Variants in TMPRSS11F observed in about 807,000 individuals in gnomAD.
TMPRSS11F encodes transmembrane protease serine 11F.
TMPRSS11F carries 47 observed loss-of-function variants against 60.2 expected under a neutral mutation model. The observed-to-expected ratio is 0.78, with a 90% CI of 0.62 to 1.00. The LOEUF (loss-of-function observed/expected upper bound fraction) is 1.00. TMPRSS11F is among the 50% of genes least tolerant of loss of function. The pLI, the probability that TMPRSS11F is intolerant of heterozygous loss-of-function variation, is 0.00. For missense variants in TMPRSS11F, 519 were observed against 522.9 expected (o/e 0.99, Z 0.07); for synonymous variants, 166 against 167.3 (o/e 0.99, Z 0.06).
chr4:68,087,481 A>G (rs1318021931), intron 3 of TMPRSS11F, among the ~76,000 whole-genome samples: 1 of 152,158 alleles, frequency 6.6e-6, no homozygotes, highest in Non-Finnish European at 1.5e-5. Flanking sequence ...CTCCACTCCT[A>G]TTCAACATAG....
At chr4:68,057,502 C>G (rs56393853) in intron 9 of TMPRSS11F, among the ~76,000 whole-genome samples, 103,213 of 151,986 alleles carry the variant, frequency 0.68, 36,837 homozygotes, top group East Asian at 0.88. Context: ...ATAGGCAAAT[C>G]AGATTGTATC....
chr4:68,094,877 AGT>A (rs1405476266), intron 2 of TMPRSS11F, among the ~76,000 whole-genome samples: 45 of 152,052 alleles, frequency 3.0e-4, no homozygotes. Flanking sequence ...CCCCATAACA[AGT>A]GGTATAACAA....
rs1457712018 is a variant in TMPRSS11F at position 68,058,077 on chromosome 4, G to T, written c.1158+1249C>A. On this transcript the variant is annotated intron_variant, in intron 9 of 9. Coordinates refer to ENST00000356291, the MANE Select transcript of TMPRSS11F (RefSeq NM_207407.2). Reference sequence around the variant, plus strand: ...CCAGAGTCTGGGTGAGCCTAGGCGGGTGGAGAGTGAGGGAAAGGGGAGTTG... The same window carrying T: ...CCAGAGTCTGGGTGAGCCTAGGCGGTTGGAGAGTGAGGGAAAGGGGAGTTG... 2.6e-5 allele frequency among the ~76,000 whole-genome samples: 4 copies of T among 152,190 alleles called. No individual in the cohort carries two copies. In the East Asian group the frequency reaches 7.7e-4, roughly 29 times the overall value.
chr4:68,115,350 C>A (rs1225216495), intron 1 of TMPRSS11F, among the ~76,000 whole-genome samples: 6 of 86,362 alleles, frequency 6.9e-5, no homozygotes, highest in African/African-American at 2.2e-4. Flanking sequence ...GAGCAAGACA[C>A]CATCTCAAAA....
intron 2 of TMPRSS11F, among the ~76,000 whole-genome samples, chr4:68,096,367 G>A (rs1315801319): frequency 1.3e-5 from 2 of 152,128 alleles, no homozygotes; most frequent in Admixed American, 6.6e-5. Flanking sequence ...GTAATAAATA[G>A]AGGCATGAAT....
At chr4:68,062,643 C>G in intron 8 of TMPRSS11F, 1 of 791,568 alleles carries the variant, frequency 1.3e-6, no homozygotes, top group Middle Eastern at 2.3e-4. Context: ...CTGTTGAGAC[C>G]TAAATAAATC....
At chr4:68,086,803 A>T (rs1256987400) in intron 3 of TMPRSS11F, among the ~76,000 whole-genome samples, 1 of 152,092 alleles carries the variant, frequency 6.6e-6, no homozygotes, top group Non-Finnish European at 1.5e-5. Context: ...GTAACATATA[A>T]CCTCCATGAA....
chr4:68,123,555 T>C (rs1253898174), intron 1 of TMPRSS11F, among the ~76,000 whole-genome samples: 1 of 152,220 alleles, frequency 6.6e-6, no homozygotes, highest in Non-Finnish European at 1.5e-5. Context: ...TGATCTTTCC[T>C]TTACCTAGCA....
At chr4:68,116,717 AG>A (rs1221928392) in intron 1 of TMPRSS11F, among the ~76,000 whole-genome samples, 1 of 152,124 alleles carries the variant, frequency 6.6e-6, no homozygotes, top group Non-Finnish European at 1.5e-5. Flanking sequence ...ATATTTGACA[AG>A]GGTACCAAGA....
At position 68,121,888 on chromosome 4, in the gene TMPRSS11F, T is replaced by C. The variant is rs1326072244; in HGVS notation, c.11+7922A>G. Among the ~76,000 whole-genome samples the C allele has an allele frequency of 3.3e-5, 5 of 152,222 alleles. No homozygotes were observed. In the East Asian group the frequency reaches 9.6e-4, roughly 29 times the overall value. On this transcript the variant is annotated intron_variant, in intron 1 of 9. Transcript: ENST00000356291. ...GAAAGAGTTAATCGGTATGTTACAG[T>C]GCTGCATATGAAGACCTTTGAGAGC... is the stretch of plus-strand genomic sequence containing the variant.
chr4:68,075,430 A>G (rs1479334394), intron 3 of TMPRSS11F, among the ~76,000 whole-genome samples: 1 of 152,078 alleles, frequency 6.6e-6, no homozygotes, highest in East Asian at 1.9e-4. Flanking sequence ...ATTTCCTTCA[A>G]CACAATCTTA....
intron 1 of TMPRSS11F, among the ~76,000 whole-genome samples, chr4:68,123,540 T>C (rs370896343): frequency 2.5e-4 from 38 of 152,238 alleles, no homozygotes; most frequent in African/African-American, 8.9e-4. Flanking sequence ...TGAAACAAAA[T>C]AAATTGATCT....
At chr4:68,115,669 A>C (rs553352616) in intron 1 of TMPRSS11F, among the ~76,000 whole-genome samples, 69 of 152,328 alleles carry the variant, frequency 4.5e-4, no homozygotes, top group African/African-American at 1.6e-3. Flanking sequence ...GTTTACAAAA[A>C]TCACAGAGTG....
chr4:68,078,380 G>A (rs1045768942), intron 3 of TMPRSS11F, among the ~76,000 whole-genome samples: 2 of 152,092 alleles, frequency 1.3e-5, no homozygotes, highest in Non-Finnish European at 2.9e-5. Context: ...CCTCCTCAAA[G>A]TTGAACACTC....
intron 6 of TMPRSS11F, 26 bp from the exon 7 acceptor site, chr4:68,068,845 A>G: frequency 1.2e-6 from 2 of 1,610,726 alleles, no homozygotes; most frequent in Non-Finnish European, 1.7e-6. Context: ...ATGATCATTC[A>G]TATTCATAAA....
intron 8 of TMPRSS11F, among the ~76,000 whole-genome samples, chr4:68,060,504 A>G (rs1723142924): frequency 8.4e-6 from 1 of 118,590 alleles, no homozygotes; most frequent in Non-Finnish European, 1.6e-5. Context: ...TGACAGAGTG[A>G]GACTCCAACT....
At chr4:68,069,250 A>T (rs148049670) in intron 6 of TMPRSS11F, among the ~76,000 whole-genome samples, 45 of 152,326 alleles carry the variant, frequency 3.0e-4, no homozygotes, top group African/African-American at 1.1e-3. Context: ...TAGTAGCAGT[A>T]TCCTTATTAC....
At chr4:68,117,433 A>G (rs1334765551) in intron 1 of TMPRSS11F, among the ~76,000 whole-genome samples, 1 of 130,942 alleles carries the variant, frequency 7.6e-6, no homozygotes, top group Non-Finnish European at 1.5e-5. Flanking sequence ...CGGCCACCGC[A>G]CTCCAGCCTG....
chr4:68,128,495 A>G (rs536765968), intron 1 of TMPRSS11F, among the ~76,000 whole-genome samples: 134 of 151,602 alleles, frequency 8.8e-4, no homozygotes, highest in African/African-American at 3.1e-3. Flanking sequence ...GCTTCAATAT[A>G]GAAATTTCAT....
Sources: allele counts gnomAD v4.1 joint callset (sites outside exome capture counted in the v4.1 genomes callset), GRCh38; gene constraint gnomAD v4.1.1; transcripts MANE v1.5; gene names NCBI Gene and HGNC (gene_info 2026-07-23, HGNC 2026-07-21).